Variants in GRID2 observed in about 807,000 individuals in gnomAD.
The protein encoded by GRID2 is glutamate receptor ionotropic, delta-2.
GRID2 carries 33 observed loss-of-function variants against 114.8 expected under a neutral mutation model. That is an observed-to-expected ratio of 0.29 (90% confidence interval 0.22 to 0.38). GRID2 has a LOEUF of 0.38. GRID2 is among the 10% of genes least tolerant of loss of function. The pLI, the probability that GRID2 is intolerant of heterozygous loss-of-function variation, is 1.00. For synonymous variants in GRID2, 505 were observed against 449.9 expected (o/e 1.12, Z -1.55); for missense variants, 1,184 against 1,257.7 (o/e 0.94, Z 0.89).
At chr4:92,771,843 C>T (rs935090861) in intron 2 of GRID2, among the ~76,000 whole-genome samples, 8 of 152,118 alleles carry the variant, frequency 5.3e-5, no homozygotes, top group South Asian at 4.2e-4. Context: ...GAAAAGCCAT[C>T]GGCTTGAGAA....
At chr4:93,729,777 A>G (rs781561063) in intron 14 of GRID2, among the ~76,000 whole-genome samples, 9 of 152,094 alleles carry the variant, frequency 5.9e-5, no homozygotes, top group African/African-American at 1.4e-4. Flanking sequence ...ACAGAGAATC[A>G]TTTTCTGAAA....
At chr4:92,761,926 T>A (rs1738029219) in intron 2 of GRID2, among the ~76,000 whole-genome samples, 1 of 152,184 alleles carries the variant, frequency 6.6e-6, no homozygotes, top group Admixed American at 6.5e-5. Context: ...AGTTGTTTTT[T>A]ATTTTTGTTT....
chr4:92,600,788 C>T (rs577708613), intron 2 of GRID2, among the ~76,000 whole-genome samples: 2 of 152,308 alleles, frequency 1.3e-5, no homozygotes, highest in African/African-American at 4.8e-5. Flanking sequence ...AGAGGGAAAC[C>T]GACCTGATGC....
intron 2 of GRID2, among the ~76,000 whole-genome samples, chr4:92,815,559 A>G (rs542835873): frequency 6.6e-6 from 1 of 152,226 alleles, no homozygotes; most frequent in South Asian, 2.1e-4. Context: ...TTTGAATGTT[A>G]TAAAATATTG....
intron 13 of GRID2, among the ~76,000 whole-genome samples, chr4:93,605,725 C>T (rs562125900): frequency 4.7e-4 from 71 of 152,296 alleles, no homozygotes; most frequent in Admixed American, 9.8e-4. Flanking sequence ...GGTGATGATA[C>T]TAGCATGAAA....
intron 2 of GRID2, among the ~76,000 whole-genome samples, chr4:92,935,758 T>G (rs373884939): frequency 6.9e-6 from 1 of 145,690 alleles, no homozygotes; most frequent in African/African-American, 2.4e-5. Context: ...AATTGGAAAT[T>G]ATCATTCTGA....
chr4:93,794,247 G>T (rs1222799285), intron 1 of GRID2, among the ~76,000 whole-genome samples: 1 of 152,178 alleles, frequency 6.6e-6, no homozygotes, highest in African/African-American at 2.4e-5. Flanking sequence ...GGGAGACAGG[G>T]CAGGATTTGC....
chr4:93,735,214 G>C (rs897992203), intron 14 of GRID2, among the ~76,000 whole-genome samples: 2 of 151,924 alleles, frequency 1.3e-5, no homozygotes, highest in African/African-American at 4.8e-5. Flanking sequence ...AATGGAATCA[G>C]TAAAAAGTCA....
chr4:93,567,033 C>T lies in GRID2; in HGVS notation c.2193+51622C>T, dbSNP rs752800472. 5.9e-5 allele frequency among the ~76,000 whole-genome samples: 9 copies of T among 152,266 alleles called. No individual in the cohort carries two copies. The East Asian group carries it at 1.7e-3, about 29-fold the overall frequency. On this transcript the variant is annotated intron_variant, in intron 13 of 15. Coordinates refer to ENST00000282020, the MANE Select transcript of GRID2 (RefSeq NM_001510.4). ...AGCAGCTCTGGGAGCTATTTAGAAA[C>T]ACTCTTTTGCCCCCTTCTCCACCTT...
At chr4:92,618,982 C>T (rs899530838) in intron 2 of GRID2, among the ~76,000 whole-genome samples, 1 of 151,582 alleles carries the variant, frequency 6.6e-6, no homozygotes, top group African/African-American at 2.4e-5. Flanking sequence ...AATATGGCTT[C>T]CTCCTTTCCA....
chr4:92,923,286 G>A (rs918986076), intron 2 of GRID2, among the ~76,000 whole-genome samples: 1 of 152,108 alleles, frequency 6.6e-6, no homozygotes, highest in Non-Finnish European at 1.5e-5. Context: ...GAACTAACAT[G>A]TTTATGCTGA....
chr4:93,208,782 G>T lies in GRID2; in HGVS notation c.789+1325G>T, dbSNP rs569628370. On this transcript the variant is annotated intron_variant, in intron 5 of 15. Coordinates refer to ENST00000282020, the MANE Select transcript of GRID2 (RefSeq NM_001510.4). The stretch of plus-strand genomic sequence containing the variant: ...TATTTCTCATGTCAAAATAAGATAG[G>T]TTTTTCTGAGATTTCCTCAGGCAAT... 2.1e-4 allele frequency among the ~76,000 whole-genome samples: 32 copies of T among 151,998 alleles called. 1 individual carries two copies. In the South Asian group the frequency reaches 6.6e-3, roughly 32 times the overall value.
intron 8 of GRID2, among the ~76,000 whole-genome samples, chr4:93,359,869 TAAAAAAAAAAA>T (rs1158118048): frequency 0.012 from 291 of 23,648 alleles, 4 homozygotes; most frequent in Admixed American, 0.029. Flanking sequence ...AAGGAAGGTG[TAAAAAAAAAAA>T]AAAAAAAAAA....
chr4:92,937,832 G>A lies in GRID2; in HGVS notation c.245-147163G>A, dbSNP rs1253954525. 2.0e-5 allele frequency among the ~76,000 whole-genome samples: 3 copies of A among 146,450 alleles called. 1 individual carries two copies. Among genetic ancestry groups the A allele is most frequent in the Admixed American group, 1.5e-4 (2 of 13,442 alleles). ...CATCTTAATAGTATTAATTCTTCCA[G>A]TGTAGTTTATTTTGGCTGATTACTC... On this transcript the variant is annotated intron_variant, in intron 2 of 15. Coordinates refer to ENST00000282020, the MANE Select transcript of GRID2 (RefSeq NM_001510.4).
Position 92,521,035 on chromosome 4 carries a change from AC to A in GRID2, c.89-69095del, listed in dbSNP as rs542063442. Among the ~76,000 whole-genome samples, 61 of 152,088 alleles carry A rather than the reference AC, an allele frequency of 4.0e-4. 2 individuals are homozygous for A. In the South Asian group the frequency reaches 0.012, roughly 30 times the overall value. ...TAACAATTACCGTTCATAAGTAATA[AC>A]AATTTCACTGTTTTCAGAACATTAT... On this transcript the variant is annotated intron_variant, in intron 1 of 15. Transcript: ENST00000282020.
intron 2 of GRID2, among the ~76,000 whole-genome samples, chr4:92,913,029 A>G (rs1043869984): frequency 6.6e-6 from 1 of 151,860 alleles, no homozygotes; most frequent in African/African-American, 2.4e-5. Context: ...TTGATTTATT[A>G]AAGAGGATAA....
chr4:92,995,447 C>G (rs1755143155), intron 2 of GRID2, among the ~76,000 whole-genome samples: 2 of 151,866 alleles, frequency 1.3e-5, no homozygotes, highest in South Asian at 2.1e-4. Flanking sequence ...TATTTGAAAC[C>G]CAAAAGGATC....
At chr4:92,942,062 C>A (rs530979315) in intron 2 of GRID2, among the ~76,000 whole-genome samples, 158 of 152,146 alleles carry the variant, frequency 1.0e-3, no homozygotes, top group Middle Eastern at 3.4e-3. Flanking sequence ...TGGGGTGGAG[C>A]GTTCTGTAGA....
intron 4 of GRID2, among the ~76,000 whole-genome samples, chr4:93,130,128 C>A (rs1340452069): frequency 6.6e-6 from 1 of 150,886 alleles, no homozygotes; most frequent in African/African-American, 2.5e-5. Flanking sequence ...AGGCGGGAGA[C>A]CCAAATGCAA....
Sources: gnomAD v4.1 joint callset for allele counts (sites outside exome capture counted in the v4.1 genomes callset) on GRCh38, gnomAD v4.1.1 for gene constraint, MANE v1.5 for transcripts, NCBI Gene and HGNC (gene_info 2026-07-23, HGNC 2026-07-21) for gene names.